PTPRM: variants seen among roughly 807,000 people sequenced by gnomAD.
The protein encoded by PTPRM is receptor-type tyrosine-protein phosphatase mu.
PTPRM carries 47 observed loss-of-function variants against 186.7 expected under a neutral mutation model. The observed-to-expected ratio is 0.25, with a 90% confidence interval of 0.20 to 0.32. The LOEUF is 0.32. Among genes scored for constraint, PTPRM ranks in the 10% least tolerant of loss-of-function variants. The probability of loss-of-function intolerance (pLI) is 1.00; values close to 1 mark genes in which losing one functional copy is unlikely to be tolerated. For synonymous variants in PTPRM, 668 were observed against 674.9 expected, an observed-to-expected ratio of 0.99 and a Z score of 0.16; for missense variants, 1,494 against 1,865.0, an observed-to-expected ratio of 0.80 and a Z score of 3.66.
At chr18:8,328,075 T>A (rs2095389090) in intron 22 of PTPRM, among the ~76,000 whole-genome samples, 1 of 152,248 alleles carries the variant, frequency 6.6e-6, no homozygotes, top group Non-Finnish European at 1.5e-5. Flanking sequence ...TTCTTTTTGC[T>A]GTCAGTTTGT....
chr18:7,772,350 T>C (rs1203107275), intron 1 of PTPRM, among the ~76,000 whole-genome samples: 4 of 5,596 alleles, frequency 7.1e-4, no homozygotes, highest in Non-Finnish European at 9.6e-4. Flanking sequence ...TCTTTCTTTC[T>C]CTTTCTTTCT....
chr18:8,100,146 GTGTA>G (rs1233430922), intron 11 of PTPRM, among the ~76,000 whole-genome samples: 1 of 151,912 alleles, frequency 6.6e-6, no homozygotes, highest in Non-Finnish European at 1.5e-5. Flanking sequence ...GTGTGTGTGT[GTGTA>G]TGTGTGGAAA....
Position 7,753,291 on chromosome 18 carries a change from T to G in PTPRM, c.74-20858T>G, listed in dbSNP as rs566529406. On this transcript the variant is annotated intron_variant, in intron 1 of 32. Coordinates refer to ENST00000580170, the MANE Select transcript of PTPRM (RefSeq NM_001105244.2). The stretch of plus-strand genomic sequence containing the variant: ...TAGAGGTAGATATTTTTCTTCATTT[T>G]GACTGAAAGTAAAGTCAGAATTATA... Among the ~76,000 whole-genome samples, 15 of 152,258 alleles carry G rather than the reference T, an allele frequency of 9.9e-5. No individual in the cohort carries two copies. The East Asian group carries it at 2.9e-3, about 29-fold the overall frequency.
chr18:7,820,584 G>A (rs190651579), intron 2 of PTPRM, among the ~76,000 whole-genome samples: 218 of 152,198 alleles, frequency 1.4e-3, no homozygotes, highest in South Asian at 2.3e-3. Flanking sequence ...CTTTATTGCT[G>A]GAAACTGGCC....
intron 1 of PTPRM, among the ~76,000 whole-genome samples, chr18:7,680,403 C>A (rs1019637832): frequency 1.3e-5 from 2 of 152,064 alleles, no homozygotes; most frequent in Non-Finnish European, 2.9e-5. Context: ...GGTTTCCATC[C>A]CCAAGGGCCT....
intron 23 of PTPRM, among the ~76,000 whole-genome samples, chr18:8,344,695 A>T (rs1166981550): frequency 6.6e-6 from 1 of 151,318 alleles, no homozygotes; most frequent in Non-Finnish European, 1.5e-5. Context: ...GCTTGCATGC[A>T]CCCTTAGGAG....
intron 23 of PTPRM, among the ~76,000 whole-genome samples, chr18:8,362,939 C>T (rs1301419202): frequency 1.3e-5 from 2 of 152,214 alleles, no homozygotes; most frequent in Non-Finnish European, 2.9e-5. Context: ...TGCTCTTGAC[C>T]AGTCAGCTTG....
At chr18:8,305,120 C>G (rs975791498) in intron 20 of PTPRM, among the ~76,000 whole-genome samples, 2 of 152,126 alleles carry the variant, frequency 1.3e-5, no homozygotes, top group Admixed American at 6.5e-5. Context: ...AGAGATCTTT[C>G]CAGGTAAATA....
At chr18:7,945,600 G>C (rs1352001160) in intron 5 of PTPRM, among the ~76,000 whole-genome samples, 1 of 152,118 alleles carries the variant, frequency 6.6e-6, no homozygotes, top group Non-Finnish European at 1.5e-5. Flanking sequence ...CAGATATTCT[G>C]TTATAAGCAA....
intron 13 of PTPRM, among the ~76,000 whole-genome samples, chr18:8,135,073 CA>C: frequency 1.3e-5 from 2 of 152,250 alleles, no homozygotes; most frequent in South Asian, 4.1e-4. Flanking sequence ...AGTAGGTCTT[CA>C]AAAAGATTAG....
intron 14 of PTPRM, among the ~76,000 whole-genome samples, chr18:8,176,541 T>C (rs1214278785): frequency 6.6e-6 from 1 of 152,186 alleles, no homozygotes; most frequent in Non-Finnish European, 1.5e-5. Context: ...AACATTGCTG[T>C]CAACTATTAA....
At chr18:8,240,602 A>T (rs1174264835) in intron 14 of PTPRM, among the ~76,000 whole-genome samples, 1 of 97,956 alleles carries the variant, frequency 1.0e-5, no homozygotes, top group East Asian at 2.6e-4. Context: ...CTGCATGGAG[A>T]GAGAGAGAGA....
chr18:7,579,358 G>A (rs912696702), intron 1 of PTPRM, among the ~76,000 whole-genome samples: 3 of 152,164 alleles, frequency 2.0e-5, no homozygotes, highest in African/African-American at 7.2e-5. Context: ...CTACTGGAAG[G>A]AAAGTAACAG....
At chr18:8,070,633 C>T (rs1010063479) in intron 8 of PTPRM, among the ~76,000 whole-genome samples, 3 of 152,146 alleles carry the variant, frequency 2.0e-5, no homozygotes, top group African/African-American at 7.2e-5. Flanking sequence ...TAATTTAAAA[C>T]AGTAAAATTA....
At chr18:8,216,387 C>T (rs896931592) in intron 14 of PTPRM, among the ~76,000 whole-genome samples, 1 of 152,142 alleles carries the variant, frequency 6.6e-6, no homozygotes, top group African/African-American at 2.4e-5. Context: ...TAACAAATAA[C>T]TTGTTCAATT....
At chr18:8,015,140 A>G (rs2084778369) in intron 7 of PTPRM, among the ~76,000 whole-genome samples, 1 of 152,128 alleles carries the variant, frequency 6.6e-6, no homozygotes, top group Non-Finnish European at 1.5e-5. Context: ...ATGTGACTAC[A>G]AATATCAGGG....
At chr18:8,398,769 C>CA (rs199873195) in intron 32 of PTPRM, among the ~76,000 whole-genome samples, 14,441 of 83,702 alleles carry the variant, frequency 0.17, 2,482 homozygotes, top group African/African-American at 0.44. Flanking sequence ...GACTCCTTCT[C>CA]AAAAAAAAAA....
chr18:7,864,065 T>C (rs554703365), intron 2 of PTPRM, among the ~76,000 whole-genome samples: 249 of 152,334 alleles, frequency 1.6e-3, no homozygotes, highest in African/African-American at 5.6e-3. Flanking sequence ...CTTGTAAATT[T>C]GTTTAAATTC....
chr18:8,220,699 T>C (rs1425008664), intron 14 of PTPRM, among the ~76,000 whole-genome samples: 1 of 152,242 alleles, frequency 6.6e-6, no homozygotes, highest in Non-Finnish European at 1.5e-5. Flanking sequence ...TGGGTATCTG[T>C]TTTGACACCT....
Sources: gnomAD v4.1 joint callset for allele counts (sites outside exome capture counted in the v4.1 genomes callset) on GRCh38, gnomAD v4.1.1 for gene constraint, MANE v1.5 for transcripts, NCBI Gene and HGNC (gene_info 2026-07-23, HGNC 2026-07-21) for gene names.